SRGAP2: variants seen among roughly 807,000 people sequenced by gnomAD.
The protein encoded by SRGAP2 is SLIT-ROBO Rho GTPase activating protein 2.
A neutral mutation model predicts 57.2 loss-of-function variants in SRGAP2; 15 were observed. The ratio of observed to expected loss-of-function variants is 0.26; its 90% CI spans 0.18 to 0.40. SRGAP2 has a LOEUF of 0.40. SRGAP2 is among the 10% of genes least tolerant of loss of function. The probability of loss-of-function intolerance (pLI) is 1.00; values close to 1 mark genes in which losing one functional copy is unlikely to be tolerated. For missense variants in SRGAP2, 520 were observed against 669.6 expected (o/e 0.78, Z 2.47); for synonymous variants, 249 against 248.0 (o/e 1.00, Z -0.04).
chr1:206,453,170 A>T lies in SRGAP2; in HGVS notation c.2180-30A>T, dbSNP rs112704236. Reference sequence around the variant, plus strand: ...TCCTGAGTCTGCAGGTCCCAAGAACATGTGTTTACTTCTTTTCCACCCTTC... The same window carrying T: ...TCCTGAGTCTGCAGGTCCCAAGAACTTGTGTTTACTTCTTTTCCACCCTTC... On this transcript the variant is annotated intron_variant, in intron 19 of 22. Coordinates refer to ENST00000573034, the MANE Select transcript of SRGAP2 (RefSeq NM_015326.5). The T allele has an allele frequency of 6.5e-5, 31 of 474,854 alleles. 1 individual carries two copies. The highest frequency in any genetic ancestry group is 5.3e-4 in the African/African-American group (26 of 49,454). 29.4% of individuals were successfully genotyped at this position (474,854 alleles called of 1,614,324 possible).
intron 2 of SRGAP2, among the ~76,000 whole-genome samples, chr1:206,262,953 C>G (rs1365897842): frequency 3.3e-4 from 41 of 123,362 alleles, no homozygotes; most frequent in African/African-American, 1.2e-3. Flanking sequence ...GGTTTAGTCC[C>G]CAAGAAGGTT....
intron 19 of SRGAP2, among the ~76,000 whole-genome samples, chr1:206,452,885 CAA>C (rs1166978056): frequency 9.7e-5 from 6 of 62,116 alleles, no homozygotes; most frequent in Admixed American, 2.3e-4. Flanking sequence ...GACTCCATCC[CAA>C]AAAAAAAAAA....
At chr1:206,384,547 A>C (rs1656010832) in intron 5 of SRGAP2, among the ~76,000 whole-genome samples, 1 of 152,160 alleles carries the variant, frequency 6.6e-6, no homozygotes, top group African/African-American at 2.4e-5. Flanking sequence ...AGAGTCCTAA[A>C]TGTCCCCAGT....
At position 206,372,967 on chromosome 1, in the gene SRGAP2, T is replaced by TCC. The variant is rs1272959275; in HGVS notation, c.424-11047_424-11046insCC. Reference sequence around the variant, plus strand: ...TCTTTCTTTCTTTCTTTTCTTTCCTTTCTTTCTTTCTTTCTTTCTTTCTTT... The same window carrying TCC: ...TCTTTCTTTCTTTCTTTTCTTTCCTTCCTCTTTCTTTCTTTCTTTCTTTCTTT... On this transcript the variant is annotated intron_variant, in intron 4 of 22. Transcript: ENST00000573034. Among the ~76,000 whole-genome samples, 15 of 14,222 alleles carry TCC rather than the reference T, an allele frequency of 1.1e-3. 2 individuals carry two copies. The highest frequency in any genetic ancestry group is 6.7e-3 in the South Asian group (3 of 450). The allele number at this position is 14,222 out of a possible 152,430, so 9.3% of individuals were successfully genotyped here. A position where few individuals can be genotyped will look rare whatever the true frequency, so the allele number is the denominator to read the frequency against.
At chr1:206,214,810 AG>A in intron 2 of SRGAP2, 1 of 149,454 alleles carries the variant, frequency 6.7e-6, no homozygotes, top group South Asian at 2.1e-4. Flanking sequence ...AAAAAAAAAA[AG>A]AAAAGAAAGA....
Position 206,386,667 on chromosome 1 carries a change from C to T in SRGAP2, c.486+2591C>T, listed in dbSNP as rs1268620484. Among the ~76,000 whole-genome samples, 5 of 127,764 alleles carry T rather than the reference C, an allele frequency of 3.9e-5. No homozygotes were observed. The Admixed American group carries it at 4.0e-4, about 10-fold the overall frequency. The allele number at this position is 127,764 out of a possible 152,430, so 83.8% of individuals were successfully genotyped here. Reference sequence around the variant, plus strand: ...AAAAAAAATTAGCTGGGCATGGTGGCGGGTGCCTGTAGTCCCAGCTACTGG... The same window carrying T: ...AAAAAAAATTAGCTGGGCATGGTGGTGGGTGCCTGTAGTCCCAGCTACTGG... On this transcript the variant is annotated intron_variant, in intron 5 of 22. Coordinates refer to ENST00000573034, the MANE Select transcript of SRGAP2 (RefSeq NM_015326.5).
intron 4 of SRGAP2, among the ~76,000 whole-genome samples, chr1:206,364,455 C>T (rs1467280651): frequency 6.6e-6 from 1 of 151,902 alleles, no homozygotes; most frequent in Non-Finnish European, 1.5e-5. Flanking sequence ...TATGTGCCAC[C>T]ATGCCTGGCT....
At position 206,418,886 on chromosome 1, in the gene SRGAP2, CTCTG is replaced by C. The variant is rs1205546765; in HGVS notation, c.1442-485_1442-482del. Among the ~76,000 whole-genome samples, 225 of 107,398 alleles carry C rather than the reference CTCTG, an allele frequency of 2.1e-3. 1 individual carries two copies. The highest frequency in any genetic ancestry group is 9.6e-3 in the African/African-American group (204 of 21,264). The allele number at this position is 107,398 out of a possible 152,430, so 70.5% of individuals were successfully genotyped here. A position where few individuals can be genotyped will look rare whatever the true frequency, so the allele number is the denominator to read the frequency against. On this transcript the variant is annotated intron_variant, in intron 11 of 22. Transcript: ENST00000573034. Reference sequence around the variant, plus strand: ...TCTTGTTCTCTCAGCCTCCAACTCTCTCTGTGTGTGTGTGTGTGTGTGTGTGTGT... The same window carrying C: ...TCTTGTTCTCTCAGCCTCCAACTCTCTGTGTGTGTGTGTGTGTGTGTGTGT...
rs782265834 is a variant in SRGAP2, at chr1:206,450,392, C to T, written c.2106C>T (p.Ser702=). The T allele has an allele frequency of 1.0e-5, 8 of 780,696 alleles. No individual in the cohort carries two copies. The Admixed American group carries it at 1.4e-4, about 13-fold the overall frequency. 48.4% of individuals were successfully genotyped at this position (780,696 alleles called of 1,614,324 possible). ...RGGSMEDYCD[S]PHGETTSVED... ...ACTCTTGCTTCTGTTGCAGTGATAG[C>T]CCTCATGGAGAGACTACCTCGGTTG... The change falls in exon 19 of 23, where the codon AGC becomes AGT. Residue 702 remains serine (S), a synonymous_variant. Transcript: ENST00000573034.
chr1:206,429,852 G>A (rs1011671208), intron 13 of SRGAP2, among the ~76,000 whole-genome samples: 2 of 152,230 alleles, frequency 1.3e-5, no homozygotes, highest in Non-Finnish European at 2.9e-5. Context: ...GAATGGATTT[G>A]AGAGATATTT....
At chr1:206,363,049 G>A (rs1300907367) in intron 4 of SRGAP2, among the ~76,000 whole-genome samples, 1 of 150,438 alleles carries the variant, frequency 6.6e-6, no homozygotes, top group East Asian at 2.0e-4. Flanking sequence ...AGGAAGAATG[G>A]GAGTGTAGGA....
chr1:206,210,891 G>C (rs1283578873), intron 2 of SRGAP2, among the ~76,000 whole-genome samples: 17 of 150,998 alleles, frequency 1.1e-4, no homozygotes, highest in African/African-American at 3.9e-4. Context: ...TTGCTCAGGG[G>C]AAAAAACAAC....
At chr1:206,370,802 G>C (rs1654476454) in intron 4 of SRGAP2, among the ~76,000 whole-genome samples, 1 of 152,196 alleles carries the variant, frequency 6.6e-6, no homozygotes, top group South Asian at 2.1e-4. Flanking sequence ...AAAAAATGCA[G>C]TAACTAAAAG....
chr1:206,263,956 A>G, intron 2 of SRGAP2, among the ~76,000 whole-genome samples: 1 of 150,466 alleles, frequency 6.6e-6, no homozygotes, highest in East Asian at 2.0e-4. Context: ...GGATACTTCT[A>G]GAGTAGTTTC....
chr1:206,239,170 T>C (rs1668056776), intron 2 of SRGAP2, among the ~76,000 whole-genome samples: 1 of 146,954 alleles, frequency 6.8e-6, no homozygotes, highest in Non-Finnish European at 1.5e-5. Context: ...AGTGCTAGTC[T>C]GTGGGCCTCT....
At position 206,340,519 on chromosome 1, in the gene SRGAP2, C is replaced by G. The variant is rs529499065; in HGVS notation, c.261-2327C>G. On this transcript the variant is annotated intron_variant, in intron 3 of 22. Transcript: ENST00000573034. Reference sequence around the variant, plus strand: ...CTATAGGGAAAGAACCAGTATAGACCCCCCCCAATCCATCTTCTCCCTTAA... The same window carrying G: ...CTATAGGGAAAGAACCAGTATAGACGCCCCCCAATCCATCTTCTCCCTTAA... Among the ~76,000 whole-genome samples, 23 of 151,960 alleles carry G rather than the reference C, an allele frequency of 1.5e-4. No homozygotes were observed. In the East Asian group the frequency reaches 2.1e-3, roughly 14 times the overall value.
intron 4 of SRGAP2, among the ~76,000 whole-genome samples, chr1:206,361,399 C>A (rs1346320768): frequency 1.3e-5 from 2 of 152,306 alleles, no homozygotes; most frequent in African/African-American, 4.8e-5. Flanking sequence ...ATTTGACTTT[C>A]CCAGACTCCC....
intron 3 of SRGAP2, among the ~76,000 whole-genome samples, chr1:206,327,028 T>G (rs1673951836): frequency 6.6e-6 from 1 of 151,614 alleles, no homozygotes; most frequent in Admixed American, 6.6e-5. Context: ...ACCCCATCTC[T>G]GCAAAAAAAA....
At chr1:206,269,186 T>C (rs1354659606) in intron 2 of SRGAP2, among the ~76,000 whole-genome samples, 1 of 146,878 alleles carries the variant, frequency 6.8e-6, no homozygotes, top group Non-Finnish European at 1.5e-5. Context: ...TGGATGAATC[T>C]CATAGTAAGG....
Sources: gnomAD v4.1 joint callset for allele counts (sites outside exome capture counted in the v4.1 genomes callset) on GRCh38, gnomAD v4.1.1 for gene constraint, MANE v1.5 for transcripts, NCBI Gene and HGNC (gene_info 2026-07-23, HGNC 2026-07-21) for gene names.